Variants in CACNA1A observed in about 807,000 individuals in gnomAD.
The protein encoded by CACNA1A is calcium voltage-gated channel subunit alpha1 A.
Under a neutral mutation model 262.4 loss-of-function variants are expected in CACNA1A, and 57 were observed. The observed-to-expected ratio is 0.22, with a 90% CI of 0.18 to 0.27. The LOEUF is 0.27. Among genes scored for constraint, CACNA1A ranks in the 10% least tolerant of loss-of-function variants. The probability of loss-of-function intolerance (pLI) is 1.00; values close to 1 mark genes in which losing one functional copy is unlikely to be tolerated. For synonymous variants in CACNA1A, 1,431 were observed against 1,419.3 expected (o/e 1.01, Z -0.18); for missense variants, 2,526 against 3,562.8 (o/e 0.71, Z 7.41).
intron 34 of CACNA1A, among the ~76,000 whole-genome samples, chr19:13,234,652 A>G (rs2055805753): frequency 2.0e-5 from 3 of 152,084 alleles, no homozygotes; most frequent in Admixed American, 2.0e-4. Context: ...GAAAAGAAGG[A>G]TAAGAGCACA....
intron 10 of CACNA1A, among the ~76,000 whole-genome samples, chr19:13,328,601 T>C (rs2058409346): frequency 6.6e-6 from 1 of 152,152 alleles, no homozygotes; most frequent in East Asian, 1.9e-4. Flanking sequence ...TTTGATCCTA[T>C]AATTATCCCC....
intron 3 of CACNA1A, among the ~76,000 whole-genome samples, chr19:13,387,993 G>A (rs1196208568): frequency 2.0e-5 from 3 of 152,126 alleles, no homozygotes; most frequent in Non-Finnish European, 4.4e-5. Context: ...AGGAGAGTGA[G>A]AAGATGTTAG....
At chr19:13,390,585 C>T (rs1005100641) in intron 3 of CACNA1A, among the ~76,000 whole-genome samples, 6 of 152,114 alleles carry the variant, frequency 3.9e-5, no homozygotes, top group African/African-American at 4.8e-5. Flanking sequence ...TCTAAATCAT[C>T]TAAATTTAAA....
At chr19:13,419,559 T>TG (rs2060281634) in intron 3 of CACNA1A, among the ~76,000 whole-genome samples, 1 of 151,984 alleles carries the variant, frequency 6.6e-6, no homozygotes, top group African/African-American at 2.4e-5. Flanking sequence ...CATCTGTGGT[T>TG]CCAGCTACTC....
chr19:13,436,367 CCT>C (rs1372424219), intron 3 of CACNA1A, among the ~76,000 whole-genome samples: 1 of 152,106 alleles, frequency 6.6e-6, no homozygotes, highest in African/African-American at 2.4e-5. Flanking sequence ...CTGGGCAGTC[CCT>C]GTTTTTCTCC....
intron 38 of CACNA1A, among the ~76,000 whole-genome samples, chr19:13,222,900 G>A (rs964329604): frequency 2.6e-5 from 4 of 151,394 alleles, no homozygotes; most frequent in Non-Finnish European, 5.9e-5. Flanking sequence ...TCACCATGTT[G>A]GCCAGGCTGG....
chr19:13,352,447 T>C (rs987074780), intron 6 of CACNA1A, among the ~76,000 whole-genome samples: 4 of 151,466 alleles, frequency 2.6e-5, no homozygotes, highest in Non-Finnish European at 5.9e-5. Flanking sequence ...ATAGAGAAAT[T>C]TGAAGATACA....
chr19:13,305,927 G>A (rs2057892844), intron 15 of CACNA1A, among the ~76,000 whole-genome samples: 1 of 151,984 alleles, frequency 6.6e-6, no homozygotes, highest in African/African-American at 2.4e-5. Context: ...AGGCATGGTA[G>A]TATGCACCTG....
At position 13,209,098 on chromosome 19, in the gene CACNA1A, T is replaced by TG. The variant is rs567166371; in HGVS notation, c.6527-90dup. On this transcript the variant is annotated intron_variant, in intron 45 of 46. Transcript: ENST00000360228. ...CACACAGGAGGCCACCTGGAAGGTG[T>TG]GGGGGCCCTAGAGATCCCCTGAACC... is the stretch of plus-strand genomic sequence containing the variant. 6 of 1,511,926 alleles carry TG rather than the reference T, an allele frequency of 4.0e-6. No individual in the cohort carries two copies. In the African/African-American group the frequency reaches 6.9e-5, roughly 17 times the overall value. 93.7% of individuals were successfully genotyped at this position (1,511,926 alleles called of 1,614,324 possible).
intron 3 of CACNA1A, among the ~76,000 whole-genome samples, chr19:13,417,097 G>A (rs761851702): frequency 2.6e-4 from 39 of 152,096 alleles, no homozygotes; most frequent in African/African-American, 8.7e-4. Flanking sequence ...CAGAGAGACC[G>A]TCACCCTCTC....
chr19:13,495,213 G>T (rs945455801), intron 1 of CACNA1A, among the ~76,000 whole-genome samples: 12 of 152,222 alleles, frequency 7.9e-5, no homozygotes, highest in African/African-American at 2.2e-4. Flanking sequence ...AGGAACTTTG[G>T]GGGGATGTGA....
chr19:13,492,827 G>T (rs917741074), intron 1 of CACNA1A, among the ~76,000 whole-genome samples: 1 of 152,084 alleles, frequency 6.6e-6, no homozygotes, highest in African/African-American at 2.4e-5. Context: ...TACAGTAGGT[G>T]CTCAGTCAAC....
intron 1 of CACNA1A, among the ~76,000 whole-genome samples, chr19:13,467,157 A>T (rs190912801): frequency 1.3e-5 from 2 of 152,278 alleles, no homozygotes; most frequent in East Asian, 3.9e-4. Flanking sequence ...GTGGGAAAAA[A>T]TTTGAAAGAC....
intron 19 of CACNA1A, among the ~76,000 whole-genome samples, chr19:13,293,982 G>T (rs1314184443): frequency 6.6e-6 from 1 of 151,914 alleles, no homozygotes; most frequent in African/African-American, 2.4e-5. Context: ...ACTCTTCCTG[G>T]CATATTGTTA....
rs1982985847 is a variant in CACNA1A, at chr19:13,505,946, C to T, written c.279G>A (p.Lys93=). Residue 93 remains lysine (K), a synonymous_variant, in exon 1 of 47, where the codon AAG becomes AAA. Coordinates refer to ENST00000360228, the MANE Select transcript of CACNA1A (RefSeq NM_001127222.2). ...EDNVVRKYAK[K]ITEWPPFEYM... The stretch of plus-strand genomic sequence containing the variant: ...CAAAAGGATATGGCCATTCGGTGAT[C>T]TTTTTGGCGTATTTTCTCACCACGT... 6.2e-7 allele frequency: 1 copy of T among 1,613,286 alleles called. No individual in the cohort carries two copies. The highest frequency in any genetic ancestry group is 1.7e-5 in the Admixed American group (1 of 59,902).
intron 3 of CACNA1A, among the ~76,000 whole-genome samples, chr19:13,441,785 G>T (rs927900010): frequency 6.6e-6 from 1 of 152,224 alleles, no homozygotes; most frequent in Non-Finnish European, 1.5e-5. Context: ...GAGGAGAGGA[G>T]TCATTAGGCA....
In CACNA1A at chr19:13,476,133, C is replaced by T. The variant is rs547776935; in HGVS notation, c.294-20921G>A. On this transcript the variant is annotated intron_variant, in intron 1 of 46. Transcript: ENST00000360228. ...CTGGGGCCAGGGCTTACCAGGACTT[C>T]CATCAGCTGCACTGTTCCTCCCTGG... Among the ~76,000 whole-genome samples, 325 of 152,294 alleles carry T rather than the reference C, an allele frequency of 2.1e-3. 2 individuals carry two copies. The highest frequency in any genetic ancestry group is 5.4e-3 in the South Asian group (26 of 4,824).
intron 46 of CACNA1A, 113 bp from the exon 47 acceptor site, chr19:13,208,166 G>A: frequency 4.7e-6 from 1 of 212,774 alleles, no homozygotes. Context: ...GGGAGGAGAG[G>A]GAGGAGGGGG....
At chr19:13,500,953 A>G (rs1982304668) in intron 1 of CACNA1A, among the ~76,000 whole-genome samples, 1 of 152,152 alleles carries the variant, frequency 6.6e-6, no homozygotes, top group Non-Finnish European at 1.5e-5. Context: ...CTGTGAAATT[A>G]CATTTATATG....
Sources: gnomAD v4.1 joint callset for allele counts (sites outside exome capture counted in the v4.1 genomes callset) on GRCh38, gnomAD v4.1.1 for gene constraint, MANE v1.5 for transcripts, NCBI Gene and HGNC (gene_info 2026-07-23, HGNC 2026-07-21) for gene names.